The following EXD3 variants were observed in gnomAD, a reference collection of about 807,000 sequenced individuals.
EXD3 encodes exonuclease 3'-5' domain containing 3.
EXD3 carries 92 observed loss-of-function variants against 98.0 expected under a neutral mutation model. The observed-to-expected ratio is 0.94, with a 90% CI of 0.79 to 1.12. The LOEUF is 1.12. EXD3 is among the 50% of genes most tolerant of loss of function. The pLI is 0.00. For missense variants in EXD3, 1,222 were observed against 1,191.6 expected, an observed-to-expected ratio of 1.03 and a Z score of -0.38; for synonymous variants, 569 against 526.0, an observed-to-expected ratio of 1.08 and a Z score of -1.12.
At chr9:137,408,081 T>C (rs1837817038) in intron 1 of EXD3, among the ~76,000 whole-genome samples, 1 of 152,174 alleles carries the variant, frequency 6.6e-6, no homozygotes, top group Non-Finnish European at 1.5e-5. Flanking sequence ...CTCCTTGCTG[T>C]GTCTCCAGAA....
intron 17 of EXD3, among the ~76,000 whole-genome samples, chr9:137,334,165 C>A (rs930836148): frequency 2.6e-5 from 4 of 152,184 alleles, no homozygotes; most frequent in Admixed American, 6.5e-5. Flanking sequence ...CCACACCCGG[C>A]TAATTTTTTG....
intron 19 of EXD3, among the ~76,000 whole-genome samples, chr9:137,317,105 G>A (rs1831715437): frequency 1.3e-5 from 2 of 152,154 alleles, no homozygotes; most frequent in African/African-American, 2.4e-5. Context: ...GGAAGGAAAG[G>A]GTCAGGAGAC....
intron 2 of EXD3, among the ~76,000 whole-genome samples, chr9:137,390,587 G>C (rs1364583364): frequency 6.6e-6 from 1 of 152,210 alleles, no homozygotes; most frequent in Non-Finnish European, 1.5e-5. Flanking sequence ...ATTCAGATGA[G>C]AAAACAGGTT....
At chr9:137,382,938 G>C (rs1275924574) in intron 3 of EXD3, among the ~76,000 whole-genome samples, 1 of 152,228 alleles carries the variant, frequency 6.6e-6, no homozygotes, top group East Asian at 1.9e-4. Context: ...AGGCCTCCCT[G>C]TCCTGGACAC....
chr9:137,417,661 G>A (rs932947492), intron 1 of EXD3, among the ~76,000 whole-genome samples: 6 of 152,198 alleles, frequency 3.9e-5, no homozygotes, highest in African/African-American at 1.2e-4. Context: ...GGAGGCGCGC[G>A]GCCACCACGC....
rs924895255 is a variant in EXD3, at chr9:137,354,449, T to C, written c.832-72A>G. The C allele has an allele frequency of 1.9e-6, 3 of 1,603,164 alleles. No homozygotes were observed. In the African/African-American group the frequency reaches 4.0e-5, roughly 21 times the overall value. On this transcript the variant is annotated intron_variant, in intron 9 of 21. Coordinates refer to ENST00000340951, the MANE Select transcript of EXD3 (RefSeq NM_017820.5). ...CTGTATCGGGGCCTGGTGGGAGTTTTCCTCGACCCCTGGCAGGGTACATCC... is the reference window on the plus strand; with the variant it reads ...CTGTATCGGGGCCTGGTGGGAGTTTCCCTCGACCCCTGGCAGGGTACATCC...
rs767336203 is a variant in EXD3, at chr9:137,366,406, C to T, written c.656+87G>A. 3.6e-5 allele frequency: 54 copies of T among 1,505,820 alleles called. No individual in the cohort carries two copies. The Admixed American group carries it at 4.5e-4, about 12-fold the overall frequency. 93.3% of individuals were successfully genotyped at this position (1,505,820 alleles called of 1,614,324 possible). On this transcript the variant is annotated intron_variant, in intron 7 of 21. Coordinates refer to ENST00000340951, the MANE Select transcript of EXD3 (RefSeq NM_017820.5). Reference sequence around the variant, plus strand: ...ACTTCCTGGGGAGAGCTCTCCCACGCGCCTGCTGCCCCCCTACACTCCCTT... The same window carrying T: ...ACTTCCTGGGGAGAGCTCTCCCACGTGCCTGCTGCCCCCCTACACTCCCTT...
At position 137,403,095 on chromosome 9, in the gene EXD3, G is replaced by A. The variant is rs531851462; in HGVS notation, c.-47-7691C>T. ...ACAGCCAAAGCATATCACCCGCCAC[G>A]GGAGACCCTGTGGCTCGGCTTGGCT... On this transcript the variant is annotated intron_variant, in intron 1 of 21. Transcript: ENST00000340951. This position sits in a 1 kb window ranked among gnomAD's most constrained non-coding sequence, Gnocchi z 6.1. 5.9e-5 allele frequency among the ~76,000 whole-genome samples: 9 copies of A among 152,186 alleles called. No individual in the cohort carries two copies. In the South Asian group the frequency reaches 8.3e-4, roughly 14 times the overall value.
At chr9:137,397,240 C>A (rs1418603871) in intron 1 of EXD3, among the ~76,000 whole-genome samples, 1 of 152,188 alleles carries the variant, frequency 6.6e-6, no homozygotes, top group African/African-American at 2.4e-5. Flanking sequence ...CAGATCCAGA[C>A]CAAGCCCACG....
chr9:137,340,203 C>T (rs1018049868), intron 17 of EXD3, among the ~76,000 whole-genome samples: 16 of 152,248 alleles, frequency 1.1e-4, no homozygotes, highest in East Asian at 5.8e-4. Context: ...AGAGGCGGGG[C>T]GTGGTGGCTC....
intron 10 of EXD3, chr9:137,354,108 G>A: frequency 7.6e-7 from 1 of 1,315,774 alleles, no homozygotes; most frequent in Non-Finnish European, 9.7e-7. Flanking sequence ...CCGTCTGCCT[G>A]GAACGAGGCC....
intron 12 of EXD3, 42 bp downstream of exon 12, chr9:137,352,024 G>T (rs1182726980): frequency 1.3e-6 from 2 of 1,572,134 alleles, no homozygotes; most frequent in Non-Finnish European, 1.7e-6. Context: ...CTGGCAGGGG[G>T]ATCCCACCAC....
chr9:137,342,715 C>A (rs186754401), intron 17 of EXD3, among the ~76,000 whole-genome samples: 36 of 152,310 alleles, frequency 2.4e-4, no homozygotes, highest in African/African-American at 6.7e-4. Context: ...GCCGAGTTCC[C>A]AGCCTTGCAG....
intron 1 of EXD3, among the ~76,000 whole-genome samples, chr9:137,418,869 A>G (rs1035778233): frequency 6.6e-6 from 1 of 152,186 alleles, no homozygotes; most frequent in Non-Finnish European, 1.5e-5. Flanking sequence ...TCTCTGTCAT[A>G]GTAAAGGTTT....
chr9:137,346,261 A>AAAAAAAAAAAAAAAAAAAAC (rs1833925037), intron 17 of EXD3, among the ~76,000 whole-genome samples: 1 of 149,378 alleles, frequency 6.7e-6, no homozygotes, highest in African/African-American at 2.5e-5. Flanking sequence ...AAAAAAAAAA[A>AAAAAAAAAAAAAAAAAAAAC]AAAAAATTCA....
In EXD3 at chr9:137,365,711, CACACACACATACAA is replaced by C. The variant is rs1210807696; in HGVS notation, c.656+768_656+781del. ...ACATGCACACACGTACACACCCATG[CACACACACATACAA>C]ACACACACCTACAGGCACACACATA... On this transcript the variant is annotated intron_variant, in intron 7 of 21. Coordinates refer to ENST00000340951, the MANE Select transcript of EXD3 (RefSeq NM_017820.5). 5 of 305,058 alleles carry C rather than the reference CACACACACATACAA, an allele frequency of 1.6e-5. No individual in the cohort carries two copies. In the Admixed American group the frequency reaches 2.3e-4, roughly 14 times the overall value. The allele number at this position is 305,058 out of a possible 1,614,324, so 18.9% of individuals were successfully genotyped here.
At chr9:137,355,621 G>GGAGGAAGGAGGAAGGGAGGAA (rs1564508880) in intron 8 of EXD3, among the ~76,000 whole-genome samples, 1 of 3,850 alleles carries the variant, frequency 2.6e-4, no homozygotes, top group Non-Finnish European at 4.5e-4. Flanking sequence ...GAAGGAGGAA[G>GGAGGAAGGAGGAAGGGAGGAA]GGAGGATGGA....
chr9:137,351,821 G>A (rs893029391), intron 12 of EXD3, among the ~76,000 whole-genome samples: 9 of 152,232 alleles, frequency 5.9e-5, no homozygotes, highest in Admixed American at 3.3e-4. Flanking sequence ...GGCACCATCT[G>A]TAAAATGGGG....
chr9:137,308,353 T>C (rs950624880), intron 20 of EXD3, among the ~76,000 whole-genome samples: 3 of 152,102 alleles, frequency 2.0e-5, no homozygotes, highest in African/African-American at 7.2e-5. Flanking sequence ...CAGCTCCTCC[T>C]TGAAGCCCAG....
Sources: allele counts gnomAD v4.1 joint callset (sites outside exome capture counted in the v4.1 genomes callset), GRCh38; gene constraint gnomAD v4.1.1; non-coding constraint Gnocchi (gnomAD v3.1); transcripts MANE v1.5; gene names NCBI Gene and HGNC (gene_info 2026-07-23, HGNC 2026-07-21).